The following FREM1 variants were observed in gnomAD, a reference collection of about 807,000 sequenced individuals.
The protein encoded by FREM1 is FRAS1-related extracellular matrix protein 1.
In FREM1, 220 loss-of-function variants were observed where a neutral mutation model predicts 210.1. The observed-to-expected ratio is 1.05, with a 90% CI of 0.94 to 1.17. FREM1 has a LOEUF of 1.17. Ranked by LOEUF, FREM1 falls within the 50% of genes most tolerant of loss-of-function variation. The pLI, the probability that FREM1 is intolerant of heterozygous loss-of-function variation, is 0.00. For synonymous variants in FREM1, 1,189 were observed against 980.2 expected (o/e 1.21, Z -3.98); for missense variants, 3,454 against 2,675.5 (o/e 1.29, Z -6.42).
chr9:14,768,742 T>C (rs953579848), intron 27 of FREM1, among the ~76,000 whole-genome samples: 5 of 152,132 alleles, frequency 3.3e-5, no homozygotes, highest in African/African-American at 1.2e-4. Flanking sequence ...CAATTCAGGA[T>C]CCAAAAGAAA....
At chr9:14,843,215 T>C (rs142518980) in intron 8 of FREM1, among the ~76,000 whole-genome samples, 1 of 152,328 alleles carries the variant, frequency 6.6e-6, no homozygotes, top group African/African-American at 2.4e-5. Flanking sequence ...TCTTGGGCCT[T>C]TGAACTCTGG....
At chr9:14,886,138 G>T (rs910058687) in intron 1 of FREM1, among the ~76,000 whole-genome samples, 2 of 151,872 alleles carry the variant, frequency 1.3e-5, no homozygotes, top group Admixed American at 1.3e-4. Flanking sequence ...TGTAATCCCA[G>T]CACTTTGGGA....
chr9:14,885,121 T>G (rs1310700397), intron 1 of FREM1, among the ~76,000 whole-genome samples: 2 of 151,482 alleles, frequency 1.3e-5, no homozygotes, highest in Admixed American at 1.3e-4. Context: ...AGATGGGGTT[T>G]CACCGTGTTA....
chr9:14,747,020 G>A lies in FREM1; in HGVS notation c.6041C>T (p.Thr2014Ile). 1 of 1,613,212 alleles carries A rather than the reference G, an allele frequency of 6.2e-7. No homozygotes were observed. The highest frequency in any genetic ancestry group is 8.5e-7 in the Non-Finnish European group (1 of 1,179,582). ...DQLPSFPKNC[T>I]LELKGLFHFE... ...ATGGAAGAGTCCCTTTAATTCCAGA[G>A]TGCAGTTCTTTGGAAATGAGGGCAA... Residue 2014 changes from threonine to isoleucine, a missense_variant, in exon 34 of 37, where the codon ACT (threonine) becomes ATT (isoleucine). Transcript: ENST00000380880.
chr9:14,883,356 T>C (rs1464766328), intron 1 of FREM1, among the ~76,000 whole-genome samples: 1 of 152,194 alleles, frequency 6.6e-6, no homozygotes, highest in African/African-American at 2.4e-5. Flanking sequence ...GCTGCAGAAT[T>C]AGAAGCAATA....
At chr9:14,835,451 G>A (rs573825224) in intron 10 of FREM1, among the ~76,000 whole-genome samples, 2 of 152,346 alleles carry the variant, frequency 1.3e-5, no homozygotes, top group Non-Finnish European at 2.9e-5. Context: ...CTGAAGGGGT[G>A]TGTCTCCCTT....
intron 27 of FREM1, among the ~76,000 whole-genome samples, chr9:14,767,624 C>T (rs534203039): frequency 3.3e-5 from 5 of 152,260 alleles, no homozygotes; most frequent in African/African-American, 1.2e-4. Flanking sequence ...TAACTACGTT[C>T]TGCCTGGCTG....
intron 6 of FREM1, among the ~76,000 whole-genome samples, chr9:14,850,813 A>G (rs1437465284): frequency 6.6e-6 from 1 of 152,236 alleles, no homozygotes; most frequent in East Asian, 1.9e-4. Context: ...AGGCTGTCGA[A>G]GGCTGCTGCA....
chr9:14,741,075 T>C (rs1261426594), intron 35 of FREM1, among the ~76,000 whole-genome samples: 2 of 152,254 alleles, frequency 1.3e-5, no homozygotes, highest in African/African-American at 4.8e-5. Context: ...GTAATTTGTA[T>C]TATTTGTCAA....
At chr9:14,820,336 A>G (rs182350859) in intron 13 of FREM1, among the ~76,000 whole-genome samples, 93 of 152,306 alleles carry the variant, frequency 6.1e-4, no homozygotes, top group Non-Finnish European at 1.2e-3. Flanking sequence ...ACAGTGGGGT[A>G]CCAAATCACG....
At chr9:14,860,888 T>C (rs1830062438) in intron 3 of FREM1, among the ~76,000 whole-genome samples, 1 of 120,406 alleles carries the variant, frequency 8.3e-6, no homozygotes, top group African/African-American at 4.1e-5. Context: ...TATATACACA[T>C]ATATACATAT....
At chr9:14,858,415 G>C (rs1428417608) in intron 4 of FREM1, among the ~76,000 whole-genome samples, 1 of 151,706 alleles carries the variant, frequency 6.6e-6, no homozygotes, top group Non-Finnish European at 1.5e-5. Context: ...GCCCAGACTG[G>C]TCTTGAAACC....
chr9:14,864,734 C>T (rs1168740102), intron 2 of FREM1, among the ~76,000 whole-genome samples: 1 of 152,204 alleles, frequency 6.6e-6, no homozygotes, highest in Admixed American at 6.5e-5. Context: ...GGTATGCACG[C>T]ATGTCCACCA....
At chr9:14,818,519 G>A (rs374414053) in intron 14 of FREM1, among the ~76,000 whole-genome samples, 1 of 152,328 alleles carries the variant, frequency 6.6e-6, no homozygotes. Context: ...TGAATTTACA[G>A]GTGAGAAGTG....
intron 35 of FREM1, among the ~76,000 whole-genome samples, chr9:14,744,995 T>C (rs1472632078): frequency 6.6e-6 from 1 of 152,200 alleles, no homozygotes; most frequent in African/African-American, 2.4e-5. Context: ...GGGGTCATTA[T>C]CTGTAGCAAA....
intron 24 of FREM1, among the ~76,000 whole-genome samples, chr9:14,781,308 C>G (rs1475122646): frequency 6.6e-6 from 1 of 152,154 alleles, no homozygotes; most frequent in African/African-American, 2.4e-5. Context: ...TGCTAGCTTT[C>G]CTATGTGTAA....
At chr9:14,858,644 G>C (rs974926694) in intron 4 of FREM1, among the ~76,000 whole-genome samples, 1 of 152,056 alleles carries the variant, frequency 6.6e-6, no homozygotes, top group East Asian at 1.9e-4. Context: ...GCTTCTCATA[G>C]TTTCTAGAGA....
intron 25 of FREM1, among the ~76,000 whole-genome samples, chr9:14,772,241 T>C (rs971035403): frequency 5.3e-5 from 8 of 152,108 alleles, no homozygotes; most frequent in Non-Finnish European, 8.8e-5. Context: ...TATGCAAAAA[T>C]GATTAGATAT....
chr9:14,816,937 A>G, intron 14 of FREM1, 66 bp from the exon 15 acceptor site: 1 of 500,688 alleles, frequency 2.0e-6, no homozygotes, highest in Non-Finnish European at 3.4e-6. Context: ...GATGCATGAT[A>G]CATGAGCTCT....
Sources: allele counts gnomAD v4.1 joint callset (sites outside exome capture counted in the v4.1 genomes callset), GRCh38; gene constraint gnomAD v4.1.1; transcripts MANE v1.5; gene names NCBI Gene and HGNC (gene_info 2026-07-23, HGNC 2026-07-21).